DHX8: variants seen among roughly 807,000 people sequenced by gnomAD.
DHX8 encodes DEAH-box helicase 8.
Under a neutral mutation model 140.7 loss-of-function variants are expected in DHX8, and 67 were observed. The observed-to-expected ratio is 0.48, with a 90% CI of 0.39 to 0.58. The LOEUF (loss-of-function observed/expected upper bound fraction) is 0.58. Among genes scored for constraint, DHX8 ranks in the 20% least tolerant of loss-of-function variants. The probability of loss-of-function intolerance (pLI) is 0.00; values close to 1 mark genes in which losing one functional copy is unlikely to be tolerated. For missense variants in DHX8, 887 were observed against 1,550.7 expected (o/e 0.57, Z 7.19); for synonymous variants, 533 against 553.2 (o/e 0.96, Z 0.51).
At position 43,525,057 on chromosome 17, in the gene DHX8, G is replaced by T. The variant is rs1159467970; in HGVS notation, c.*1210G>T. 3 of 985,288 alleles carry T rather than the reference G, an allele frequency of 3.0e-6. No homozygotes were observed. In the African/African-American group the frequency reaches 5.2e-5, roughly 17 times the overall value. The allele number at this position is 985,288 out of a possible 1,614,324, so 61.0% of individuals were successfully genotyped here. A position where few individuals can be genotyped will look rare whatever the true frequency, so the allele number is the denominator to read the frequency against. ...AATCCTCCTGCCTCTGCCTCCCAAAGCGCTGGGATTACAGTTGAGAGCCAC... is the reference window on the plus strand; with the variant it reads ...AATCCTCCTGCCTCTGCCTCCCAAATCGCTGGGATTACAGTTGAGAGCCAC... On this transcript the variant is annotated 3_prime_UTR_variant, in exon 23 of 23. Coordinates refer to ENST00000262415, the MANE Select transcript of DHX8 (RefSeq NM_004941.3).
Position 43,496,211 on chromosome 17 carries a change from G to T in DHX8, c.1243G>T (p.Glu415Ter). 1 of 1,614,024 alleles carries T rather than the reference G, an allele frequency of 6.2e-7. No homozygotes were observed. The highest frequency in any genetic ancestry group is 2.2e-5 in the East Asian group (1 of 44,866). Reference protein sequence around the residue: ...MIAANVLSKEEFPDFDEETGI... With the variant: ...MIAANVLSKE ...TGCTGCCAATGTCCTTTCCAAAGAA[G>T]AATTTCCAGACTTTGATGAAGAGAC... The change falls in exon 9 of 23, where the codon GAA becomes TAA. Residue 415 changes from glutamate to a stop codon, truncating the protein, a stop_gained. Coordinates refer to ENST00000262415, the MANE Select transcript of DHX8 (RefSeq NM_004941.3). LOFTEE classifies it high-confidence loss of function.
At chr17:43,498,649 G>A (rs1488635044) in intron 9 of DHX8, among the ~76,000 whole-genome samples, 1 of 151,472 alleles carries the variant, frequency 6.6e-6, no homozygotes, top group African/African-American at 2.4e-5. Context: ...GGGTTTCACT[G>A]TGTTGACCAG....
At chr17:43,523,576 T>A in intron 22 of DHX8, 52 bp from the exon 23 acceptor site, 1 of 1,604,138 alleles carries the variant, frequency 6.2e-7, no homozygotes, top group Non-Finnish European at 8.5e-7. Context: ...AGGTTGACTG[T>A]AGAGTGGGGC....
At chr17:43,539,044 C>G (rs1422774960) in intron 3 of DHX8, among the ~76,000 whole-genome samples, 1 of 152,202 alleles carries the variant, frequency 6.6e-6, no homozygotes, top group Non-Finnish European at 1.5e-5. Context: ...CCAGGATACC[C>G]TATTTTCATT....
intron 3 of DHX8, among the ~76,000 whole-genome samples, chr17:43,537,531 C>T (rs1704993652): frequency 6.7e-6 from 1 of 149,148 alleles, no homozygotes; most frequent in Admixed American, 6.7e-5. Flanking sequence ...CCCATCTCTA[C>T]TAAAAAATTA....
chr17:43,502,077 TGG>T (rs1209660811), intron 11 of DHX8, among the ~76,000 whole-genome samples: 1 of 152,148 alleles, frequency 6.6e-6, no homozygotes, highest in Non-Finnish European at 1.5e-5. Context: ...AATGGGTTTG[TGG>T]GGAAAGATGG....
chr17:43,526,503 C>G (rs1307976782), downstream of DHX8: 3 of 1,535,548 alleles, frequency 2.0e-6, no homozygotes, highest in African/African-American at 4.1e-5. Context: ...CAGCCCAAAG[C>G]ACTTCCTCCC....
rs558075221 is a variant in DHX8, at chr17:43,503,503, A to G, written c.1547-1141A>G. Reference sequence around the variant, plus strand: ...CAATTGCGAAACTCCATCTAAAAAAAAAAAAAAAAAGTTTAGCCGTGTGTA... The same window carrying G: ...CAATTGCGAAACTCCATCTAAAAAAGAAAAAAAAAAGTTTAGCCGTGTGTA... On this transcript the variant is annotated intron_variant, in intron 11 of 22. Transcript: ENST00000262415. Among the ~76,000 whole-genome samples the G allele has an allele frequency of 6.0e-3, 907 of 152,026 alleles. 2 individuals carry two copies. Among genetic ancestry groups the G allele is most frequent in the Non-Finnish European group, 9.0e-3 (609 of 67,942 alleles).
intron 3 of DHX8, among the ~76,000 whole-genome samples, chr17:43,539,654 G>A (rs1056854448): frequency 6.6e-6 from 1 of 152,172 alleles, no homozygotes; most frequent in African/African-American, 2.4e-5. Flanking sequence ...TCCTCAGGCT[G>A]GCAGAAGTCA....
At chr17:43,532,158 C>T (rs137888546) in intron 2 of DHX8, among the ~76,000 whole-genome samples, 7 of 152,312 alleles carry the variant, frequency 4.6e-5, no homozygotes, top group Admixed American at 2.0e-4. Flanking sequence ...CACCATGCCC[C>T]GGGGGCCCCC....
chr17:43,501,709 T>A (rs1277293460), intron 11 of DHX8, among the ~76,000 whole-genome samples: 3 of 146,632 alleles, frequency 2.0e-5, no homozygotes, highest in Non-Finnish European at 3.0e-5. Context: ...GGTCTCGAAC[T>A]CGCGACCTCA....
chr17:43,530,217 TG>T (rs1238271939), downstream of DHX8: 1 of 1,552,012 alleles, frequency 6.4e-7, no homozygotes, highest in Non-Finnish European at 8.7e-7. Flanking sequence ...AGAAGTGGCT[TG>T]GGGTGGAGCT....
downstream of DHX8, chr17:43,526,025 C>G (rs116134548): frequency 1.0e-6 from 1 of 985,256 alleles, no homozygotes; most frequent in Non-Finnish European, 1.2e-6. Flanking sequence ...CATCTCTCTA[C>G]GCTAGAGCTG....
At chr17:43,506,086 C>T (rs1969478844) in intron 12 of DHX8, among the ~76,000 whole-genome samples, 1 of 151,900 alleles carries the variant, frequency 6.6e-6, no homozygotes, top group Admixed American at 6.6e-5. Flanking sequence ...TCACTGCAAC[C>T]TCTACCTCCT....
At chr17:43,544,591 C>A (rs1971703166), downstream of DHX8, 1 of 178,556 alleles carries the variant, frequency 5.6e-6, no homozygotes, top group Non-Finnish European at 1.2e-5. Context: ...TCTCCCCCCA[C>A]CCCCCACCAA....
At position 43,522,034 on chromosome 17, in the gene DHX8, C is replaced by T. The variant is rs757520401; in HGVS notation, c.3264-13C>T. On this transcript the variant is annotated splice_polypyrimidine_tract_variant and intron_variant, in intron 21 of 22. Transcript: ENST00000262415. The stretch of plus-strand genomic sequence containing the variant: ...AGCTGAGTGGGCTCATATCTTTTGT[C>T]CTATCTTGATAGACACAAGCTGGAT... 103 of 1,612,870 alleles carry T rather than the reference C, an allele frequency of 6.4e-5. No homozygotes were observed. The highest frequency in any genetic ancestry group is 8.4e-5 in the Non-Finnish European group (99 of 1,179,354).
chr17:43,512,734 AT>A (rs1489531943), intron 16 of DHX8, among the ~76,000 whole-genome samples: 44 of 152,138 alleles, frequency 2.9e-4, no homozygotes, highest in Admixed American at 2.9e-3. Context: ...TTTCCAAGCA[AT>A]TGTGTTTTAT....
In DHX8 at chr17:43,500,026, A is replaced by G. The variant is rs1969092197; in HGVS notation, c.1469A>G (p.Lys490Arg). ...SALAKERRELKQAQREAEMDS... is the reference protein window; with the variant it reads ...SALAKERRELRQAQREAEMDS... ...TTGGCCAAAGAAAGGCGGGAACTCAAACAGGCCCAGCGGGAAGCTGAGATG... is the reference window on the plus strand; with the variant it reads ...TTGGCCAAAGAAAGGCGGGAACTCAGACAGGCCCAGCGGGAAGCTGAGATG... Residue 490 changes from lysine (K) to arginine (R), a missense_variant, in exon 11 of 23, where the codon AAA (lysine) becomes AGA (arginine). Lys to Arg is a conservative substitution (Grantham distance 26, BLOSUM62 2). Transcript: ENST00000262415. 1 of 1,614,182 alleles carries G rather than the reference A, an allele frequency of 6.2e-7. No homozygotes were observed.
chr17:43,484,611 T>C (rs957969876), intron 1 of DHX8, among the ~76,000 whole-genome samples: 2 of 152,124 alleles, frequency 1.3e-5, no homozygotes, highest in African/African-American at 4.8e-5. Flanking sequence ...GTAGTTAGCG[T>C]CTGTGCTTTT....
Sources: allele counts gnomAD v4.1 joint callset (sites outside exome capture counted in the v4.1 genomes callset), GRCh38; gene constraint gnomAD v4.1.1; transcripts MANE v1.5; gene names NCBI Gene and HGNC (gene_info 2026-07-23, HGNC 2026-07-21).